Variants in RAD51B observed in about 807,000 individuals in gnomAD.
RAD51B encodes RAD51 paralog B.
In RAD51B, 38 loss-of-function variants were observed where a neutral mutation model predicts 42.2. The ratio of observed to expected loss-of-function variants is 0.90; its 90% CI spans 0.70 to 1.18. The LOEUF (loss-of-function observed/expected upper bound fraction) is 1.18, where lower values mean the gene tolerates loss of function less well. Among genes scored for constraint, RAD51B ranks in the 50% most tolerant of loss-of-function variants. The probability of loss-of-function intolerance (pLI) is 0.00; values close to 1 mark genes in which losing one functional copy is unlikely to be tolerated. For synonymous variants in RAD51B, 154 were observed against 145.2 expected, an observed-to-expected ratio of 1.06 and a Z score of -0.43; for missense variants, 373 against 400.7, an observed-to-expected ratio of 0.93 and a Z score of 0.59.
At chr14:68,011,768 A>G (rs1489792270) in intron 7 of RAD51B, among the ~76,000 whole-genome samples, 1 of 152,072 alleles carries the variant, frequency 6.6e-6, no homozygotes, top group African/African-American at 2.4e-5. Flanking sequence ...TAACAGCTGT[A>G]AATTTGCTTG....
intron 7 of RAD51B, among the ~76,000 whole-genome samples, chr14:68,057,819 CTTTGTGTGTGTG>C (rs2076501583): frequency 1.2e-5 from 1 of 80,298 alleles, no homozygotes; most frequent in South Asian, 4.6e-4. Context: ...CCTTTTAGTT[CTTTGTGTGTGTG>C]TGTGTGTGTG....
intron 10 of RAD51B, among the ~76,000 whole-genome samples, chr14:68,517,483 C>T (rs1886244293): frequency 6.6e-6 from 1 of 152,050 alleles, no homozygotes; most frequent in South Asian, 2.1e-4. Context: ...CAAATAACAT[C>T]TTGGTATTAT....
At chr14:67,864,822 G>A (rs541119976) in intron 4 of RAD51B, 181 bp from the exon 5 acceptor site, 2 of 1,001,284 alleles carry the variant, frequency 2.0e-6, no homozygotes, top group South Asian at 1.4e-5. Flanking sequence ...CAGATGCAGA[G>A]GGGAGAAGTT....
At chr14:68,091,280 G>A (rs1188734254) in intron 7 of RAD51B, among the ~76,000 whole-genome samples, 1 of 152,202 alleles carries the variant, frequency 6.6e-6, no homozygotes, top group Non-Finnish European at 1.5e-5. Flanking sequence ...CCACCACACT[G>A]ACTTCCACAA....
chr14:68,056,628 A>G (rs2076479586), intron 7 of RAD51B, among the ~76,000 whole-genome samples: 1 of 151,988 alleles, frequency 6.6e-6, no homozygotes, highest in Admixed American at 6.6e-5. Flanking sequence ...GTGTGCCTGT[A>G]GTCCCAGCTA....
intron 9 of RAD51B, among the ~76,000 whole-genome samples, chr14:68,440,846 A>G (rs1384590893): frequency 1.3e-5 from 2 of 152,212 alleles, no homozygotes; most frequent in Non-Finnish European, 2.9e-5. Context: ...TTCTAATACT[A>G]CAGGGAACAG....
At chr14:68,228,453 T>C (rs2080084603) in intron 7 of RAD51B, among the ~76,000 whole-genome samples, 1 of 152,212 alleles carries the variant, frequency 6.6e-6, no homozygotes, top group African/African-American at 2.4e-5. Flanking sequence ...TTACTAGATT[T>C]ATACAACCTA....
rs2043760076 is a variant in RAD51B at position 67,905,672 on chromosome 14, G to A, written c.756+18468G>A. On this transcript the variant is annotated intron_variant, in intron 7 of 10. Transcript: ENST00000471583. ...CCTAGGTACTTTTTTTGTGTGTGTG[G>A]CTATTGTGAATAGGATTGCATTATT... Among the ~76,000 whole-genome samples, 4 of 152,064 alleles carry A rather than the reference G, an allele frequency of 2.6e-5. No individual in the cohort carries two copies. The South Asian group carries it at 8.3e-4, about 32-fold the overall frequency.
Position 68,196,395 on chromosome 14 carries a change from G to A in RAD51B, c.757-95489G>A, listed in dbSNP as rs555769196. On this transcript the variant is annotated intron_variant, in intron 7 of 10. Coordinates refer to ENST00000471583, the MANE Select transcript of RAD51B (RefSeq NM_133510.4). ...TCTGGTTGTACTTTTAGAATTCAACGTAGAAATCATTGTATGGCCTACAAA... is the reference window on the plus strand; with the variant it reads ...TCTGGTTGTACTTTTAGAATTCAACATAGAAATCATTGTATGGCCTACAAA... Among the ~76,000 whole-genome samples, 7 of 151,990 alleles carry A rather than the reference G, an allele frequency of 4.6e-5. No homozygotes were observed. In the South Asian group the frequency reaches 6.2e-4, roughly 14 times the overall value.
At chr14:68,372,372 G>A (rs757545953) in intron 8 of RAD51B, among the ~76,000 whole-genome samples, 1 of 152,090 alleles carries the variant, frequency 6.6e-6, no homozygotes, top group African/African-American at 2.4e-5. Context: ...TTTAAGGTGG[G>A]TGTTTTTTAT....
At chr14:68,186,909 A>G (rs1053330574) in intron 7 of RAD51B, among the ~76,000 whole-genome samples, 1 of 152,192 alleles carries the variant, frequency 6.6e-6, no homozygotes, top group Non-Finnish European at 1.5e-5. Flanking sequence ...AGACACATAC[A>G]TATACTCACA....
downstream of RAD51B, among the ~76,000 whole-genome samples, chr14:68,598,262 G>A (rs1337738108): frequency 1.4e-5 from 2 of 144,978 alleles, no homozygotes; most frequent in Admixed American, 6.8e-5. Flanking sequence ...ATTCATTCAT[G>A]TGTCCTTTTA....
chr14:68,666,410 A>G (rs1219962298), intron 11 of RAD51B, among the ~76,000 whole-genome samples: 1 of 152,230 alleles, frequency 6.6e-6, no homozygotes, highest in African/African-American at 2.4e-5. Context: ...AAATGGAACT[A>G]AGAGAAAGGA....
chr14:68,161,593 C>T (rs192514909), intron 7 of RAD51B, among the ~76,000 whole-genome samples: 19 of 152,268 alleles, frequency 1.2e-4, no homozygotes, highest in Admixed American at 9.2e-4. Flanking sequence ...AGTCTTTTCC[C>T]CCCAAAAGGG....
intron 7 of RAD51B, among the ~76,000 whole-genome samples, chr14:67,939,618 T>C (rs1005577846): frequency 1.3e-5 from 2 of 152,114 alleles, no homozygotes; most frequent in African/African-American, 4.8e-5. Context: ...CTGTAGCAAA[T>C]TACCATAGAT....
intron 8 of RAD51B, among the ~76,000 whole-genome samples, chr14:68,368,623 A>AT (rs1652027116): frequency 6.6e-6 from 1 of 152,126 alleles, no homozygotes; most frequent in South Asian, 2.1e-4. Context: ...CCGCTCCCAT[A>AT]TGCTCTATGA....
chr14:68,590,723 T>C (rs1423718466), intron 10 of RAD51B, among the ~76,000 whole-genome samples: 1 of 146,042 alleles, frequency 6.8e-6, no homozygotes, highest in African/African-American at 2.8e-5. Context: ...AAATTCTCTG[T>C]GTCTCTGCAG....
At chr14:68,229,767 C>G (rs1446061927) in intron 7 of RAD51B, among the ~76,000 whole-genome samples, 1 of 152,186 alleles carries the variant, frequency 6.6e-6, no homozygotes, top group Non-Finnish European at 1.5e-5. Flanking sequence ...CTATACACAA[C>G]AGGGCAAGAT....
chr14:67,835,050 GA>G (rs34564590), intron 3 of RAD51B, 29 bp from the exon 4 acceptor site: 44 of 1,530,052 alleles, frequency 2.9e-5, no homozygotes, highest in African/African-American at 5.5e-5. Flanking sequence ...TATAGAGGTT[GA>G]AAAAAAACTT....
Sources: allele counts gnomAD v4.1 joint callset (sites outside exome capture counted in the v4.1 genomes callset), GRCh38; gene constraint gnomAD v4.1.1; transcripts MANE v1.5; gene names NCBI Gene and HGNC (gene_info 2026-07-23, HGNC 2026-07-21).